CYP20A1: variants seen among roughly 807,000 people sequenced by gnomAD.
CYP20A1 encodes cytochrome P450 family 20 subfamily A member 1.
A neutral mutation model predicts 61.4 loss-of-function variants in CYP20A1; 61 were observed. The observed-to-expected ratio is 0.99, with a 90% CI of 0.81 to 1.23. The LOEUF (loss-of-function observed/expected upper bound fraction) is 1.23, where lower values mean the gene tolerates loss of function less well. CYP20A1 is among the 50% of genes most tolerant of loss of function. The probability of loss-of-function intolerance (pLI) is 0.00; values close to 1 mark genes in which losing one functional copy is unlikely to be tolerated. For missense variants in CYP20A1, 530 were observed against 542.4 expected (o/e 0.98, Z 0.23); for synonymous variants, 193 against 188.2 (o/e 1.03, Z -0.21).
At chr2:203,255,153 C>T (rs1262631904) in intron 4 of CYP20A1, among the ~76,000 whole-genome samples, 1 of 152,186 alleles carries the variant, frequency 6.6e-6, no homozygotes, top group Non-Finnish European at 1.5e-5. Flanking sequence ...TTGCTTATTT[C>T]TCTTTCCCCT....
intron 9 of CYP20A1, among the ~76,000 whole-genome samples, chr2:203,289,005 G>T (rs1219366998): frequency 6.6e-6 from 1 of 152,140 alleles, no homozygotes; most frequent in Non-Finnish European, 1.5e-5. Flanking sequence ...TTAAGAGTTT[G>T]ATATATATTG....
chr2:203,266,328 G>C (rs1025081983), intron 4 of CYP20A1, among the ~76,000 whole-genome samples, 186 bp from the exon 5 acceptor site: 1 of 152,168 alleles, frequency 6.6e-6, no homozygotes, highest in Non-Finnish European at 1.5e-5. Flanking sequence ...TTTGCCAGAA[G>C]TTGAACCTGA....
chr2:203,263,774 G>A (rs2067228905), intron 4 of CYP20A1, among the ~76,000 whole-genome samples: 1 of 152,092 alleles, frequency 6.6e-6, no homozygotes, highest in Non-Finnish European at 1.5e-5. Context: ...TAATGGCAGA[G>A]AACCAATGAT....
At chr2:203,262,109 T>C (rs568064441) in intron 4 of CYP20A1, among the ~76,000 whole-genome samples, 1 of 152,330 alleles carries the variant, frequency 6.6e-6, no homozygotes, top group Admixed American at 6.5e-5. Context: ...GAAGCAAAAC[T>C]CTTCTTACAA....
intron 8 of CYP20A1, among the ~76,000 whole-genome samples, chr2:203,283,272 A>G (rs1318468522): frequency 1.5e-5 from 2 of 129,334 alleles, no homozygotes; most frequent in East Asian, 5.3e-4. Context: ...GCTGGAGTGC[A>G]GTGGTGCAAT....
Position 203,278,301 on chromosome 2 carries a change from G to A in CYP20A1, c.680-272G>A, listed in dbSNP as rs182562605. Among the ~76,000 whole-genome samples the A allele has an allele frequency of 1.2e-3, 185 of 152,172 alleles. 2 individuals are homozygous for A. The highest frequency in any genetic ancestry group is 4.3e-3 in the African/African-American group (178 of 41,536). On this transcript the variant is annotated intron_variant, in intron 6 of 12. Transcript: ENST00000356079. Reference sequence around the variant, plus strand: ...AAATAAAAGAAAAAGTCAAGTGCTGGCATTGCTCTACTTCTTGACCTAGGT... The same window carrying A: ...AAATAAAAGAAAAAGTCAAGTGCTGACATTGCTCTACTTCTTGACCTAGGT...
chr2:203,257,865 A>G (rs1009675131), intron 4 of CYP20A1, among the ~76,000 whole-genome samples: 2 of 72,200 alleles, frequency 2.8e-5, no homozygotes, highest in Admixed American at 1.6e-4. Flanking sequence ...TGATACAGAC[A>G]TACAATGTGT....
intron 3 of CYP20A1, 150 bp from the exon 4 acceptor site, chr2:203,251,817 A>ATATATATATGTGTATATATATATAT (rs34111991): frequency 1.0e-5 from 1 of 95,290 alleles, no homozygotes. Flanking sequence ...ATATATATAT[A>ATATATATATGTGTATATATATATAT]AAAAATAAAA....
rs751031062 is a variant in CYP20A1 at position 203,272,690 on chromosome 2, A to G, written c.621A>G (p.Lys207=). The G allele has an allele frequency of 7.5e-6, 12 of 1,606,318 alleles. No individual in the cohort carries two copies. Among genetic ancestry groups the G allele is most frequent in the Non-Finnish European group, 1.0e-5 (12 of 1,177,266 alleles). Residue 207 remains lysine, a synonymous_variant, in exon 6 of 13, where the codon AAA becomes AAG. Transcript: ENST00000356079. ...TTCAGGTTTGGTCTGAGATTGGAAA[A>G]GGCTTTCTAGATGGGTCACTTGATA... ...NHGTVWSEIG[K]GFLDGSLDKN...
chr2:203,296,241 G>A (rs888770991), intron 11 of CYP20A1, among the ~76,000 whole-genome samples: 1 of 152,196 alleles, frequency 6.6e-6, no homozygotes, highest in Non-Finnish European at 1.5e-5. Context: ...TCCAGCCTGG[G>A]TGACAGAGCG....
In CYP20A1 at chr2:203,301,240, TTTTC is replaced by T. The variant is rs948521548; in HGVS notation, c.*4344_*4347del. The stretch of plus-strand genomic sequence containing the variant: ...ACGTACATAACTTTTTTTCTTTTTC[TTTTC>T]TTTCTTTCTTTTCTTTTCTTTTTTT... On this transcript the variant is annotated 3_prime_UTR_variant, in exon 13 of 13. Coordinates refer to ENST00000356079, the MANE Select transcript of CYP20A1 (RefSeq NM_177538.3). 4.0e-5 allele frequency among the ~76,000 whole-genome samples: 6 copies of T among 150,592 alleles called. No homozygotes were observed. The highest frequency in any genetic ancestry group is 1.2e-4 in the African/African-American group (5 of 41,188).
chr2:203,273,146 A>G (rs943054399), intron 6 of CYP20A1, among the ~76,000 whole-genome samples: 2 of 152,068 alleles, frequency 1.3e-5, no homozygotes, highest in African/African-American at 4.8e-5. Flanking sequence ...TGCCCGGCCT[A>G]TATTTATTTT....
chr2:203,245,805 G>A (rs777232327), intron 1 of CYP20A1, 41 bp from the exon 2 acceptor site: 2 of 1,261,260 alleles, frequency 1.6e-6, no homozygotes, highest in Admixed American at 3.6e-5. Flanking sequence ...TGACTTATGG[G>A]ATATATGATA....
chr2:203,296,833 G>A lies in CYP20A1; in HGVS notation c.1314G>A (p.Gln438=). The change falls in exon 13 of 13, where the codon CAG becomes CAA. Residue 438 remains glutamine (Q), a synonymous_variant. Coordinates refer to ENST00000356079, the MANE Select transcript of CYP20A1 (RefSeq NM_177538.3). ...TGCACCTACTTTCTGTGGAGGGACA[G>A]GTTATTGAAACAAAGTATGAACTGG... ...KRLHLLSVEG[Q]VIETKYELVT... 1 of 1,612,030 alleles carries A rather than the reference G, an allele frequency of 6.2e-7. No homozygotes were observed. Among genetic ancestry groups the A allele is most frequent in the South Asian group, 1.1e-5 (1 of 90,698 alleles).
chr2:203,239,938 A>G lies in CYP20A1; in HGVS notation c.72+804A>G, dbSNP rs896788709. ...TGGTGACACACCGTCTCTACTAAAAATACAAACATTAGCTGGCTGTGGTGG... is the reference window on the plus strand; with the variant it reads ...TGGTGACACACCGTCTCTACTAAAAGTACAAACATTAGCTGGCTGTGGTGG... On this transcript the variant is annotated intron_variant, in intron 1 of 12. Transcript: ENST00000356079. Among the ~76,000 whole-genome samples, 6 of 152,202 alleles carry G rather than the reference A, an allele frequency of 3.9e-5. No individual in the cohort carries two copies. The South Asian group carries it at 8.3e-4, about 21-fold the overall frequency.
intron 1 of CYP20A1, among the ~76,000 whole-genome samples, chr2:203,241,065 A>G (rs1398257212): frequency 4.6e-5 from 7 of 152,230 alleles, no homozygotes; most frequent in African/African-American, 1.7e-4. Flanking sequence ...TCAATTGTGA[A>G]GATAGTGCCA....
At chr2:203,274,824 T>G (rs1001693965) in intron 6 of CYP20A1, among the ~76,000 whole-genome samples, 1 of 152,238 alleles carries the variant, frequency 6.6e-6, no homozygotes, top group Non-Finnish European at 1.5e-5. Flanking sequence ...TCAATGCGTT[T>G]GGATTAATTC....
intron 11 of CYP20A1, among the ~76,000 whole-genome samples, chr2:203,295,816 G>A (rs2068767637): frequency 6.6e-6 from 1 of 152,080 alleles, no homozygotes; most frequent in African/African-American, 2.4e-5. Context: ...GGGTGTGGTG[G>A]TGTGCACCTG....
chr2:203,258,005 G>GCTCAAGTGCAGTGGCACACTTAT (rs1455916330), intron 4 of CYP20A1, among the ~76,000 whole-genome samples: 1 of 151,752 alleles, frequency 6.6e-6, no homozygotes, highest in African/African-American at 2.4e-5. Context: ...GGGCTGAAGG[G>GCTCAAGTGCAGTGGCACACTTAT]ATCCTCCTGC....
Sources: gnomAD v4.1 joint callset for allele counts (sites outside exome capture counted in the v4.1 genomes callset) on GRCh38, gnomAD v4.1.1 for gene constraint, MANE v1.5 for transcripts, NCBI Gene and HGNC (gene_info 2026-07-23, HGNC 2026-07-21) for gene names.